Variants in MAGI2 observed in about 807,000 individuals in gnomAD.
MAGI2 encodes membrane associated guanylate kinase, WW and PDZ domain containing 2, also known as membrane-associated guanylate kinase, WW and PDZ domain-containing protein 2.
Under a neutral mutation model 133.3 loss-of-function variants are expected in MAGI2, and 35 were observed. That is an observed-to-expected ratio of 0.26 (90% CI 0.20 to 0.35). The LOEUF (loss-of-function observed/expected upper bound fraction) is 0.35. Among genes scored for constraint, MAGI2 ranks in the 10% least tolerant of loss-of-function variants. The pLI, the probability that MAGI2 is intolerant of heterozygous loss-of-function variation, is 1.00. For missense variants in MAGI2, 1,636 were observed against 1,863.4 expected, an observed-to-expected ratio of 0.88 and a Z score of 2.25; for synonymous variants, 729 against 710.6, an observed-to-expected ratio of 1.03 and a Z score of -0.41.
At chr7:79,425,548 G>C (rs1326404814) in intron 1 of MAGI2, among the ~76,000 whole-genome samples, 1 of 147,396 alleles carries the variant, frequency 6.8e-6, no homozygotes, top group Admixed American at 6.9e-5. Flanking sequence ...TATTAGTTTA[G>C]TCAGAACTGT....
chr7:78,125,611 C>G, intron 20 of MAGI2, 83 bp downstream of exon 20: 1 of 1,443,130 alleles, frequency 6.9e-7, no homozygotes, highest in Non-Finnish European at 9.5e-7. Context: ...CCCCGCTTGA[C>G]AGCATGCTTC....
chr7:78,119,452 T>C (rs188775969), intron 20 of MAGI2, among the ~76,000 whole-genome samples: 117 of 149,248 alleles, frequency 7.8e-4, no homozygotes, highest in Non-Finnish European at 1.6e-3. Flanking sequence ...TCCCAGCCAC[T>C]TGGGAGGCTG....
intron 2 of MAGI2, among the ~76,000 whole-genome samples, chr7:78,633,998 A>T (rs903825466): frequency 3.3e-5 from 5 of 152,206 alleles, no homozygotes; most frequent in Admixed American, 3.3e-4. Flanking sequence ...TTTCACAAAT[A>T]TCATTGGTGG....
intron 3 of MAGI2, among the ~76,000 whole-genome samples, chr7:78,573,553 C>T (rs1801956230): frequency 6.8e-6 from 1 of 146,954 alleles, no homozygotes; most frequent in Non-Finnish European, 1.5e-5. Context: ...ATAAATGGGC[C>T]GGAGTAACAC....
At chr7:78,342,691 T>G (rs1790513980) in intron 9 of MAGI2, among the ~76,000 whole-genome samples, 2 of 152,146 alleles carry the variant, frequency 1.3e-5, no homozygotes, top group Non-Finnish European at 2.9e-5. Context: ...TCATCATTCT[T>G]AGCAAACTAA....
chr7:78,088,314 A>G (rs1816838554), intron 20 of MAGI2, among the ~76,000 whole-genome samples: 1 of 152,220 alleles, frequency 6.6e-6, no homozygotes, highest in South Asian at 2.1e-4. Context: ...TTACATTTCA[A>G]CTTTTTAGCA....
intron 20 of MAGI2, among the ~76,000 whole-genome samples, chr7:78,124,918 A>G (rs554687885): frequency 6.8e-6 from 1 of 147,790 alleles, no homozygotes; most frequent in African/African-American, 2.5e-5. Context: ...GCTGGAGTGC[A>G]GTGGCACGAT....
intron 1 of MAGI2, among the ~76,000 whole-genome samples, chr7:79,249,410 AAG>A (rs1019108808): frequency 3.3e-5 from 5 of 152,050 alleles, no homozygotes; most frequent in Admixed American, 1.3e-4. Flanking sequence ...AAGAAAAAAA[AAG>A]AGAAAAAGAT....
At chr7:78,567,263 T>G (rs1192907625) in intron 3 of MAGI2, among the ~76,000 whole-genome samples, 1 of 152,138 alleles carries the variant, frequency 6.6e-6, no homozygotes, top group Non-Finnish European at 1.5e-5. Context: ...CAAACCAGGC[T>G]CTTGAAAAAT....
intron 2 of MAGI2, among the ~76,000 whole-genome samples, chr7:78,682,114 T>A (rs1034254669): frequency 2.6e-5 from 4 of 152,128 alleles, no homozygotes; most frequent in Admixed American, 2.0e-4. Context: ...CCAGTTTTAG[T>A]CTATATTTCT....
intron 6 of MAGI2, among the ~76,000 whole-genome samples, chr7:78,407,849 G>A (rs1398081811): frequency 6.8e-6 from 1 of 147,644 alleles, no homozygotes; most frequent in African/African-American, 2.5e-5. Flanking sequence ...GAGCTTCAGG[G>A]CTGGTTTTCC....
At chr7:78,496,355 A>G (rs1281388624) in intron 5 of MAGI2, among the ~76,000 whole-genome samples, 1 of 152,198 alleles carries the variant, frequency 6.6e-6, no homozygotes, top group Non-Finnish European at 1.5e-5. Flanking sequence ...CAGTAAACAA[A>G]TAGGTTCTTG....
At chr7:78,285,478 C>G (rs1034603637) in intron 9 of MAGI2, among the ~76,000 whole-genome samples, 7 of 152,032 alleles carry the variant, frequency 4.6e-5, no homozygotes, top group Admixed American at 1.3e-4. Flanking sequence ...TTGTTATGTG[C>G]CAGGCATTGT....
intron 9 of MAGI2, among the ~76,000 whole-genome samples, chr7:78,337,851 C>G (rs887322557): frequency 1.8e-4 from 28 of 151,940 alleles, no homozygotes; most frequent in African/African-American, 6.0e-4. Flanking sequence ...TCAGCCTATT[C>G]AAATTTCATT....
intron 6 of MAGI2, among the ~76,000 whole-genome samples, chr7:78,458,711 T>G (rs1789623512): frequency 6.6e-6 from 1 of 151,668 alleles, no homozygotes; most frequent in South Asian, 2.1e-4. Context: ...CTCGGCTCAG[T>G]GCAAGCTCCG....
intron 2 of MAGI2, among the ~76,000 whole-genome samples, chr7:78,878,324 T>A (rs1176148043): frequency 6.6e-6 from 1 of 152,192 alleles, no homozygotes; most frequent in African/African-American, 2.4e-5. Flanking sequence ...TGAGGAGTCC[T>A]GCGTTTTCAT....
At chr7:78,609,571 T>A (rs759726203) in intron 3 of MAGI2, among the ~76,000 whole-genome samples, 2 of 152,218 alleles carry the variant, frequency 1.3e-5, no homozygotes, top group African/African-American at 2.4e-5. Context: ...GAAATACTCA[T>A]GACGGTTACA....
chr7:79,000,480 A>T (rs576812634), intron 2 of MAGI2: 1 of 152,266 alleles, frequency 6.6e-6, no homozygotes, highest in Non-Finnish European at 1.5e-5. Flanking sequence ...TATACTAGAA[A>T]GCTCTGCTCT....
At chr7:79,069,380 G>T (rs188024546) in intron 1 of MAGI2, among the ~76,000 whole-genome samples, 1 of 152,222 alleles carries the variant, frequency 6.6e-6, no homozygotes, top group African/African-American at 2.4e-5. Flanking sequence ...TTGGATCTTT[G>T]TTGGTTTAAA....
Sources: allele counts gnomAD v4.1 joint callset (sites outside exome capture counted in the v4.1 genomes callset), GRCh38; gene constraint gnomAD v4.1.1; transcripts MANE v1.5; gene names NCBI Gene and HGNC (gene_info 2026-07-23, HGNC 2026-07-21).